INSL6: variants seen among roughly 807,000 people sequenced by gnomAD.
INSL6 encodes the protein insulin like 6.
INSL6 carries 16 observed loss-of-function variants against 9.4 expected under a neutral mutation model. The observed-to-expected ratio is 1.70, with a 90% CI of 1.15 to 2.59. The LOEUF (loss-of-function observed/expected upper bound fraction) is 2.59, where lower values mean the gene tolerates loss of function less well. INSL6 is among the 30% of genes most tolerant of loss of function. The pLI, the probability that INSL6 is intolerant of heterozygous loss-of-function variation, is 0.00. For synonymous variants in INSL6, 154 were observed against 96.9 expected, an observed-to-expected ratio of 1.59 and a Z score of -3.46; for missense variants, 391 against 257.3, an observed-to-expected ratio of 1.52 and a Z score of -3.56.
chr9:5,149,768 T>C (rs1824676264), intron 2 of INSL6, among the ~76,000 whole-genome samples: 1 of 152,046 alleles, frequency 6.6e-6, no homozygotes, highest in Non-Finnish European at 1.5e-5. Flanking sequence ...AAAGAGCCCA[T>C]GTGGCCAAAG....
the INSL6 span, among the ~76,000 whole-genome samples, chr9:5,016,098 G>C: frequency 2.1e-4 from 32 of 150,096 alleles, no homozygotes; most frequent in Admixed American, 3.3e-4. Flanking sequence ...ACTGCCAGCC[G>C]TCGCTTCCCT....
chr9:5,160,040 G>A (rs556222144), downstream of INSL6, among the ~76,000 whole-genome samples: 71 of 152,208 alleles, frequency 4.7e-4, 3 homozygotes, highest in South Asian at 0.015. Flanking sequence ...GCCAGGTGTG[G>A]TTGTGGGTGC....
rs201214519 is a variant in INSL6, at chr9:5,126,312, T to C, written c.*11-1801A>G. The C allele has an allele frequency of 8.6e-6, 13 of 1,513,970 alleles. 1 individual carries two copies. The East Asian group carries it at 1.8e-4, about 21-fold the overall frequency. The allele number at this position is 1,513,970 out of a possible 1,614,324, so 93.8% of individuals were successfully genotyped here. A position where few individuals can be genotyped will look rare whatever the true frequency, so the allele number is the denominator to read the frequency against. On this transcript the variant is annotated intron_variant, in intron 3 of 3. Transcript: ENST00000649639. The stretch of plus-strand genomic sequence containing the variant: ...CTACAAATTAAATGTACAAAAAATA[T>C]TGAAAGTGGGTTTGTTTTAGGAATT...
downstream of INSL6, among the ~76,000 whole-genome samples, chr9:5,121,132 A>G (rs530076358): frequency 1.9e-3 from 295 of 152,282 alleles, 1 homozygote; most frequent in African/African-American, 6.0e-3. Flanking sequence ...TTGGGAAAGT[A>G]TAATTGAAAA....
chr9:5,168,967 C>T (rs2130910048), intron 1 of INSL6, among the ~76,000 whole-genome samples: 1 of 151,864 alleles, frequency 6.6e-6, no homozygotes, highest in Admixed American at 6.6e-5. Flanking sequence ...CTCTTGTCAC[C>T]CAGGCTGGAG....
chr9:5,060,713 C>T, the INSL6 span, among the ~76,000 whole-genome samples: 1 of 152,304 alleles, frequency 6.6e-6, no homozygotes, highest in Non-Finnish European at 1.5e-5. Context: ...TCAACTTCTT[C>T]CAAATTCCTG....
At chr9:5,062,125 T>C in the INSL6 span, among the ~76,000 whole-genome samples, 1 of 152,168 alleles carries the variant, frequency 6.6e-6, no homozygotes, top group African/African-American at 2.4e-5. Context: ...GGTCCACTTA[T>C]ATGCAATTTT....
At chr9:5,077,645 C>A in the INSL6 span, 1 of 1,044,386 alleles carries the variant, frequency 9.6e-7, no homozygotes, top group Non-Finnish European at 1.3e-6. Flanking sequence ...TACAAATTAT[C>A]TTTACCTGGA....
At chr9:5,134,412 G>A (rs1262347226) in intron 2 of INSL6, among the ~76,000 whole-genome samples, 1 of 152,172 alleles carries the variant, frequency 6.6e-6, no homozygotes, top group Non-Finnish European at 1.5e-5. Flanking sequence ...AGGTTGAAAT[G>A]AAGGAATAAA....
At chr9:5,158,139 TAC>T (rs1308532457) in intron 2 of INSL6, among the ~76,000 whole-genome samples, 1 of 151,696 alleles carries the variant, frequency 6.6e-6, no homozygotes, top group Non-Finnish European at 1.5e-5. Flanking sequence ...TATTTGAAAA[TAC>T]AGAGTCAGAG....
the INSL6 span, among the ~76,000 whole-genome samples, chr9:5,078,821 A>G: frequency 6.6e-6 from 1 of 152,048 alleles, no homozygotes; most frequent in African/African-American, 2.4e-5. Context: ...ATTTTTTTCT[A>G]TCCTCTGTGA....
the INSL6 span, among the ~76,000 whole-genome samples, chr9:5,083,849 T>A: frequency 6.6e-6 from 1 of 152,278 alleles, no homozygotes; most frequent in Admixed American, 6.5e-5. Flanking sequence ...ACAATGAAGA[T>A]ACGTTCCATT....
chr9:5,060,363 T>C, the INSL6 span, among the ~76,000 whole-genome samples: 2 of 152,216 alleles, frequency 1.3e-5, no homozygotes, highest in African/African-American at 4.8e-5. Flanking sequence ...CATGTGACAT[T>C]GTTTGGTAAC....
chr9:5,047,855 C>A, the INSL6 span, among the ~76,000 whole-genome samples: 1 of 152,066 alleles, frequency 6.6e-6, no homozygotes, highest in South Asian at 2.1e-4. Context: ...CCTACCTCAG[C>A]CTCCCAAAGT....
chr9:5,026,832 G>A, the INSL6 span, among the ~76,000 whole-genome samples: 1 of 152,276 alleles, frequency 6.6e-6, no homozygotes, highest in African/African-American at 2.4e-5. Flanking sequence ...TCAACCATTT[G>A]TTGATGTACC....
the INSL6 span, chr9:5,022,099 G>T: frequency 6.2e-7 from 1 of 1,613,688 alleles, no homozygotes; most frequent in South Asian, 1.1e-5. Context: ...AATAGATCCA[G>T]TTCTTCAGGT....
At chr9:5,083,198 C>G in the INSL6 span, among the ~76,000 whole-genome samples, 1 of 140,908 alleles carries the variant, frequency 7.1e-6, no homozygotes, top group East Asian at 2.0e-4. Context: ...TTAGTTATCT[C>G]AGGGAGAATT....
the INSL6 span, among the ~76,000 whole-genome samples, chr9:5,044,923 A>G: frequency 6.6e-6 from 1 of 152,212 alleles, no homozygotes; most frequent in African/African-American, 2.4e-5. Flanking sequence ...TGAACTGTAG[A>G]GAAAGTAGGT....
the INSL6 span, chr9:5,112,319 GC>G: frequency 3.5e-6 from 1 of 282,484 alleles, no homozygotes; most frequent in Non-Finnish European, 6.8e-6. Context: ...CTAGCCAGGC[GC>G]CCTCCCCGAC....
Sources: gnomAD v4.1 joint callset for allele counts (sites outside exome capture counted in the v4.1 genomes callset) on GRCh38, gnomAD v4.1.1 for gene constraint, MANE v1.5 for transcripts, NCBI Gene and HGNC (gene_info 2026-07-23, HGNC 2026-07-21) for gene names.